The following ACOXL variants were observed in gnomAD, a reference collection of about 807,000 sequenced individuals.
ACOXL encodes the protein acyl-coenzyme A oxidase-like protein.
A neutral mutation model predicts 71.9 loss-of-function variants in ACOXL; 70 were observed. The observed-to-expected ratio is 0.97, with a 90% CI of 0.80 to 1.19. The LOEUF is 1.19. ACOXL is among the 50% of genes most tolerant of loss of function. The pLI is 0.00. For missense variants in ACOXL, 703 were observed against 736.3 expected (o/e 0.95, Z 0.52); for synonymous variants, 253 against 281.6 (o/e 0.90, Z 1.02).
At chr2:111,112,844 C>T (rs1435339740) in intron 17 of ACOXL, 1 of 152,210 alleles carries the variant, frequency 6.6e-6, no homozygotes, top group Non-Finnish European at 1.5e-5. Flanking sequence ...GAAGCCTTGT[C>T]CTTCTGCAGG....
intron 12 of ACOXL, among the ~76,000 whole-genome samples, chr2:110,962,358 G>A (rs867353412): frequency 2.6e-5 from 4 of 152,238 alleles, no homozygotes; most frequent in African/African-American, 9.6e-5. Flanking sequence ...ATTATGGGGT[G>A]GGGGGAAGTG....
intron 15 of ACOXL, among the ~76,000 whole-genome samples, chr2:111,035,769 T>C (rs2065482263): frequency 6.6e-6 from 1 of 152,372 alleles, no homozygotes; most frequent in South Asian, 2.1e-4. Flanking sequence ...AATAAAAACA[T>C]GATCGCATGC....
At chr2:110,855,451 G>A (rs1693113416) in intron 10 of ACOXL, among the ~76,000 whole-genome samples, 1 of 152,062 alleles carries the variant, frequency 6.6e-6, no homozygotes, top group Admixed American at 6.6e-5. Context: ...GCTGACCTGG[G>A]CAGAGCTGTG....
At chr2:110,821,055 C>A (rs1307223242) in intron 9 of ACOXL, among the ~76,000 whole-genome samples, 1 of 152,158 alleles carries the variant, frequency 6.6e-6, no homozygotes, top group East Asian at 1.9e-4. Flanking sequence ...AACTCTATGG[C>A]AAGAACGGCT....
chr2:111,080,772 A>C (rs2067867248), intron 16 of ACOXL, among the ~76,000 whole-genome samples: 1 of 152,248 alleles, frequency 6.6e-6, no homozygotes, highest in South Asian at 2.1e-4. Flanking sequence ...AACATCCTCA[A>C]TAAAAAACTG....
At chr2:111,085,593 A>G (rs1374311199) in intron 16 of ACOXL, among the ~76,000 whole-genome samples, 1 of 152,150 alleles carries the variant, frequency 6.6e-6, no homozygotes, top group Non-Finnish European at 1.5e-5. Flanking sequence ...TAAGAGTGAA[A>G]TTTATATCAC....
intron 16 of ACOXL, among the ~76,000 whole-genome samples, chr2:111,067,197 C>CA (rs898054797): frequency 1.3e-5 from 2 of 151,882 alleles, no homozygotes; most frequent in African/African-American, 4.8e-5. Flanking sequence ...GAAGTAGAAC[C>CA]AAAAAACCCC....
At chr2:111,088,495 A>ACT (rs910852216) in intron 16 of ACOXL, among the ~76,000 whole-genome samples, 1 of 152,206 alleles carries the variant, frequency 6.6e-6, no homozygotes, top group Non-Finnish European at 1.5e-5. Flanking sequence ...CATGGATAGA[A>ACT]CTGGAGCCCA....
intron 1 of ACOXL, among the ~76,000 whole-genome samples, chr2:110,750,159 C>T (rs1021145482): frequency 3.3e-5 from 5 of 152,166 alleles, no homozygotes; most frequent in Non-Finnish European, 7.3e-5. Context: ...GTCCAACATT[C>T]AAGTTGGGTG....
intron 9 of ACOXL, among the ~76,000 whole-genome samples, chr2:110,819,884 T>A (rs1688393397): frequency 2.6e-5 from 4 of 152,208 alleles, no homozygotes; most frequent in Non-Finnish European, 5.9e-5. Flanking sequence ...GCTCCACCTC[T>A]GCCTCACTTG....
At chr2:110,928,928 T>G (rs2060380343) in intron 11 of ACOXL, among the ~76,000 whole-genome samples, 1 of 152,252 alleles carries the variant, frequency 6.6e-6, no homozygotes, top group South Asian at 2.1e-4. Context: ...TCTGCCATGA[T>G]TTTGAGGCCT....
At position 110,908,791 on chromosome 2, in the gene ACOXL, G is replaced by A. The variant is rs116012262; in HGVS notation, c.791G>A (p.Arg264Gln). 3,970 of 1,613,264 alleles carry A rather than the reference G, an allele frequency of 2.5e-3. 4 individuals are homozygous for A. Among genetic ancestry groups the A allele is most frequent in the Non-Finnish European group, 3.2e-3 (3,770 of 1,179,396 alleles). Residue 264 changes from arginine to glutamine, a missense_variant and splice_region_variant, in exon 11 of 18, where the codon CGG becomes CAG. Transcript: ENST00000439055. ...TCGTGTCTGTTGATTCCCTCTAGCCGGAGGCAGTTTGGGCCCAAAACCAAG... is the reference window on the plus strand; with the variant it reads ...TCGTGTCTGTTGATTCCCTCTAGCCAGAGGCAGTTTGGGCCCAAAACCAAG... Reference protein sequence around the residue: ...LTIAIRYSHSRRQFGPKTKEE... With the variant: ...LTIAIRYSHSQRQFGPKTKEE...
intron 12 of ACOXL, among the ~76,000 whole-genome samples, chr2:110,949,705 C>T (rs1338176205): frequency 1.3e-5 from 2 of 152,160 alleles, no homozygotes; most frequent in African/African-American, 4.8e-5. Flanking sequence ...TATGAAGAAG[C>T]ACTAGGGACA....
chr2:111,029,491 C>G (rs1191737388), intron 14 of ACOXL, among the ~76,000 whole-genome samples: 1 of 151,908 alleles, frequency 6.6e-6, no homozygotes, highest in Non-Finnish European at 1.5e-5. Flanking sequence ...TGTGTAGAGC[C>G]TATACTGCTC....
chr2:110,933,464 C>T (rs758451519), intron 11 of ACOXL, 25 bp from the exon 12 acceptor site: 1 of 1,604,294 alleles, frequency 6.2e-7, no homozygotes, highest in Non-Finnish European at 8.5e-7. Context: ...CCACTTCCAT[C>T]ACACATGTCT....
At chr2:111,022,749 G>T (rs2064828713) in intron 14 of ACOXL, among the ~76,000 whole-genome samples, 1 of 152,238 alleles carries the variant, frequency 6.6e-6, no homozygotes, top group Admixed American at 6.5e-5. Context: ...GCTCCTAGGG[G>T]CCTGCAGCAG....
intron 10 of ACOXL, among the ~76,000 whole-genome samples, chr2:110,868,740 C>T (rs570019724): frequency 2.6e-5 from 4 of 152,266 alleles, no homozygotes; most frequent in African/African-American, 7.2e-5. Context: ...AGCCATGTGC[C>T]ACCATGCCCA....
chr2:110,784,716 T>C lies in ACOXL; in HGVS notation c.76-16T>C. On this transcript the variant is annotated splice_polypyrimidine_tract_variant and intron_variant, in intron 2 of 17. Coordinates refer to ENST00000439055, the MANE Select transcript of ACOXL (RefSeq NM_001142807.4). ...ACCATAAGGAAACCTTGATACTGAG[T>C]CTATCATATTTTCAGGCAGAGAAAA... The C allele has an allele frequency of 6.3e-7, 1 of 1,587,786 alleles. No individual in the cohort carries two copies. The highest frequency in any genetic ancestry group is 8.6e-7 in the Non-Finnish European group (1 of 1,168,524).
chr2:110,816,096 G>C (rs1278184746), intron 9 of ACOXL, among the ~76,000 whole-genome samples: 1 of 152,082 alleles, frequency 6.6e-6, no homozygotes, highest in Admixed American at 6.5e-5. Flanking sequence ...TAGATGGGTG[G>C]GTAGATGAAT....
Sources: allele counts gnomAD v4.1 joint callset (sites outside exome capture counted in the v4.1 genomes callset), GRCh38; gene constraint gnomAD v4.1.1; transcripts MANE v1.5; gene names NCBI Gene and HGNC (gene_info 2026-07-23, HGNC 2026-07-21).